The following CPB1 variants were observed in gnomAD, a reference collection of about 807,000 sequenced individuals.
CPB1 encodes carboxypeptidase B1, also known as carboxypeptidase B.
Under a neutral mutation model 51.4 loss-of-function variants are expected in CPB1, and 53 were observed. That is an observed-to-expected ratio of 1.03 (90% CI 0.83 to 1.30). CPB1 has a LOEUF of 1.30. Ranked by LOEUF, CPB1 falls within the 50% of genes most tolerant of loss-of-function variation. The probability of loss-of-function intolerance (pLI) is 0.00; values close to 1 mark genes in which losing one functional copy is unlikely to be tolerated. For missense variants in CPB1, 494 were observed against 516.2 expected (o/e 0.96, Z 0.42); for synonymous variants, 189 against 186.9 (o/e 1.01, Z -0.09).
At chr3:148,844,446 C>T in intron 6 of CPB1, 32 bp from the exon 7 acceptor site, 1 of 1,511,438 alleles carries the variant, frequency 6.6e-7, no homozygotes, top group Middle Eastern at 1.7e-4. Flanking sequence ...TTCCATTTTT[C>T]CATGAAATTC....
Position 148,845,421 on chromosome 3 carries a change from C to T in CPB1, c.779-3C>T. The T allele has an allele frequency of 6.2e-7, 1 of 1,613,528 alleles. No homozygotes were observed. The highest frequency in any genetic ancestry group is 8.5e-7 in the Non-Finnish European group (1 of 1,179,614). On this transcript the variant is annotated splice_region_variant and splice_polypyrimidine_tract_variant and intron_variant, in intron 8 of 10. Coordinates refer to ENST00000282957, the MANE Select transcript of CPB1 (RefSeq NM_001871.3). ...TTGCCATTAACATCATATGTTTTTC[C>T]AGAAATTGGAGCCTCTCGAAACCCC...
intron 2 of CPB1, among the ~76,000 whole-genome samples, chr3:148,831,299 GTTCT>G (rs1420749602): frequency 3.3e-5 from 5 of 152,112 alleles, no homozygotes; most frequent in Non-Finnish European, 7.4e-5. Context: ...GTCTTCCAAT[GTTCT>G]TATCATTCCT....
rs761693077 is a variant in CPB1 at position 148,834,623 on chromosome 3, G to T, written c.272+1G>T. The T allele has an allele frequency of 2.5e-6, 4 of 1,602,612 alleles. No homozygotes were observed. The Admixed American group carries it at 6.7e-5, about 27-fold the overall frequency. On this transcript the variant is annotated splice_donor_variant, in intron 3 of 10. Transcript: ENST00000282957. LOFTEE classifies it high-confidence loss of function. ...TAAAGCAGAATGAACTACAATACAA[G>T]TAAGTTTATGTTTTATAAATATTAA...
rs1559959770 is a variant in CPB1, at chr3:148,845,591, T to C, written c.946T>C (p.Tyr316His). Residue 316 changes from tyrosine (Y) to histidine (H), a missense_variant, in exon 9 of 11, where the codon TAT (tyrosine) becomes CAT (histidine). By Grantham distance (83) the Tyr-to-His change is moderately conservative. Transcript: ENST00000282957. ...YSQMMIYPYS[Y>H]AYKLGENNAE... Reference sequence around the variant, plus strand: ...CCAAATGATGATCTACCCTTACTCATATGCTTACAAACTCGGTGAGAACAA... The same window carrying C: ...CCAAATGATGATCTACCCTTACTCACATGCTTACAAACTCGGTGAGAACAA... 6 of 1,613,820 alleles carry C rather than the reference T, an allele frequency of 3.7e-6. No homozygotes were observed. Among genetic ancestry groups the C allele is most frequent in the Non-Finnish European group, 5.1e-6 (6 of 1,179,784 alleles).
intron 6 of CPB1, among the ~76,000 whole-genome samples, chr3:148,843,230 T>C (rs1264215915): frequency 6.6e-6 from 1 of 152,190 alleles, no homozygotes; most frequent in Non-Finnish European, 1.5e-5. Context: ...TTCACTTTAA[T>C]AATTATACCA....
intron 2 of CPB1, among the ~76,000 whole-genome samples, chr3:148,834,129 A>G (rs763250220): frequency 6.6e-6 from 1 of 152,206 alleles, no homozygotes; most frequent in Non-Finnish European, 1.5e-5. Flanking sequence ...ATTCTAGTTA[A>G]TTCATCATTC....
At chr3:148,855,795 A>C (rs1328507722) in intron 9 of CPB1, 2 of 152,236 alleles carry the variant, frequency 1.3e-5, no homozygotes, top group African/African-American at 4.8e-5. Context: ...GAATTCTTTA[A>C]GATCAGAGGT....
intron 10 of CPB1, 49 bp downstream of exon 10, chr3:148,857,590 C>T: frequency 2.1e-6 from 3 of 1,439,484 alleles, no homozygotes; most frequent in Non-Finnish European, 2.9e-6. Context: ...CCTAAAAAGC[C>T]AACGAAAGGT....
Position 148,828,086 on chromosome 3 carries a change from C to A in CPB1, c.147+9C>A. ...TGGCCAGCACGACCCAGGTAAGTAA[C>A]AATTTTGATTTACTTCACATCTAAT... On this transcript the variant is annotated intron_variant, in intron 2 of 10. Transcript: ENST00000282957. The A allele has an allele frequency of 1.2e-6, 2 of 1,607,590 alleles. No homozygotes were observed. Among genetic ancestry groups the A allele is most frequent in the South Asian group, 1.1e-5 (1 of 90,652 alleles).
chr3:148,828,204 G>T, intron 2 of CPB1, 127 bp downstream of exon 2: 3 of 768,604 alleles, frequency 3.9e-6, no homozygotes. Context: ...TAAAAACTTG[G>T]AAAACATTTA....
Position 148,860,063 on chromosome 3 carries a change from T to A in CPB1, c.*61T>A. On this transcript the variant is annotated 3_prime_UTR_variant, in exon 11 of 11. Transcript: ENST00000282957. ...TTTTTCATTTCTTTTCTTTCTTGAATTCTTATTTTGGTTTGCCTGGATGTT... is the reference window on the plus strand; with the variant it reads ...TTTTTCATTTCTTTTCTTTCTTGAAATCTTATTTTGGTTTGCCTGGATGTT... 1 of 1,540,388 alleles carries A rather than the reference T, an allele frequency of 6.5e-7. No homozygotes were observed. Among genetic ancestry groups the A allele is most frequent in the South Asian group, 1.2e-5 (1 of 82,534 alleles).
At chr3:148,848,187 T>C (rs528873625) in intron 9 of CPB1, among the ~76,000 whole-genome samples, 1 of 152,286 alleles carries the variant, frequency 6.6e-6, no homozygotes, top group South Asian at 2.1e-4. Context: ...TACAAATATA[T>C]GTATAGACAA....
chr3:148,848,043 T>C (rs1713308558), intron 9 of CPB1, among the ~76,000 whole-genome samples: 1 of 152,178 alleles, frequency 6.6e-6, no homozygotes, highest in Admixed American at 6.5e-5. Flanking sequence ...CTGAATTTAG[T>C]TTAGCACGCC....
At position 148,860,176 on chromosome 3, in the gene CPB1, A is replaced by C; in HGVS notation, c.*174A>C. ...TTGATCATAATAAAAGTGAATCATT[A>C]CTATTGGAAAACTTGACATATGGTC... On this transcript the variant is annotated 3_prime_UTR_variant, in exon 11 of 11. Transcript: ENST00000282957. The C allele has an allele frequency of 1.6e-6, 1 of 617,680 alleles. No individual in the cohort carries two copies. Among genetic ancestry groups the C allele is most frequent in the South Asian group, 2.2e-5 (1 of 45,048 alleles). 38.3% of individuals were successfully genotyped at this position (617,680 alleles called of 1,614,324 possible).
At chr3:148,846,809 A>G (rs867227909) in intron 9 of CPB1, among the ~76,000 whole-genome samples, 6,859 of 77,524 alleles carry the variant, frequency 0.088, 749 homozygotes, top group Middle Eastern at 0.12. Flanking sequence ...ATATATATAT[A>G]TATATATATA....
chr3:148,856,613 C>T (rs1165738901), intron 9 of CPB1: 4 of 152,326 alleles, frequency 2.6e-5, no homozygotes, highest in African/African-American at 9.6e-5. Context: ...ATTCCCCAGA[C>T]AGCTGAGCCA....
intron 7 of CPB1, 30 bp from the exon 8 acceptor site, chr3:148,844,647 A>C: frequency 2.5e-6 from 4 of 1,612,854 alleles, no homozygotes; most frequent in Non-Finnish European, 1.7e-6. Flanking sequence ...TCTCTATTAT[A>C]TTTGTCCTAA....
rs1451242628 is a variant in CPB1 at position 148,852,897 on chromosome 3, T to C, written c.982-4560T>C. 2.6e-5 allele frequency among the ~76,000 whole-genome samples: 4 copies of C among 152,232 alleles called. No individual in the cohort carries two copies. The East Asian group carries it at 7.7e-4, about 29-fold the overall frequency. ...TTTTTCCTAACTCCTTGCCCTTCTC[T>C]AATCTCAGGGCCTCCTTTTTCTCAA... On this transcript the variant is annotated intron_variant, in intron 9 of 10. Transcript: ENST00000282957.
intron 9 of CPB1, among the ~76,000 whole-genome samples, chr3:148,847,640 C>T (rs2108018168): frequency 6.6e-6 from 1 of 152,136 alleles, no homozygotes; most frequent in East Asian, 1.9e-4. Flanking sequence ...AAATCCTGTC[C>T]TCCAAAATTG....
Sources: allele counts gnomAD v4.1 joint callset (sites outside exome capture counted in the v4.1 genomes callset), GRCh38; gene constraint gnomAD v4.1.1; transcripts MANE v1.5; gene names NCBI Gene and HGNC (gene_info 2026-07-23, HGNC 2026-07-21).